Variants in LRRC3B observed in about 807,000 individuals in gnomAD.
The protein encoded by LRRC3B is leucine-rich repeat-containing protein 3B.
LRRC3B carries 2 observed loss-of-function variants against 12.8 expected under a neutral mutation model. The observed-to-expected ratio is 0.16, with a 90% CI of 0.06 to 0.49. The LOEUF is 0.49. Among genes scored for constraint, LRRC3B ranks in the 20% least tolerant of loss-of-function variants. LRRC3B has a pLI of 0.96. For missense variants in LRRC3B, 189 were observed against 319.4 expected (o/e 0.59, Z 3.11); for synonymous variants, 132 against 122.0 (o/e 1.08, Z -0.54).
At chr3:26,643,884 T>C (rs974374420) in intron 1 of LRRC3B, among the ~76,000 whole-genome samples, 2 of 152,158 alleles carry the variant, frequency 1.3e-5, no homozygotes, top group African/African-American at 2.4e-5. Flanking sequence ...TCTTAGTTCT[T>C]GAGAAGCCTT....
intron 1 of LRRC3B, among the ~76,000 whole-genome samples, chr3:26,679,983 ACTTG>A (rs1699937371): frequency 6.6e-6 from 1 of 152,206 alleles, no homozygotes; most frequent in African/African-American, 2.4e-5. Context: ...TACAGAGCTC[ACTTG>A]CTTTTCTTCT....
At chr3:26,697,609 T>A (rs555382843) in intron 1 of LRRC3B, among the ~76,000 whole-genome samples, 1 of 152,300 alleles carries the variant, frequency 6.6e-6, no homozygotes, top group South Asian at 2.1e-4. Context: ...TAATCTATCC[T>A]CTGATTCCGA....
intron 1 of LRRC3B, among the ~76,000 whole-genome samples, chr3:26,642,882 T>C (rs748736737): frequency 6.6e-6 from 1 of 151,942 alleles, no homozygotes; most frequent in Non-Finnish European, 1.5e-5. Flanking sequence ...CTGGGTGTGG[T>C]GGTGTGTTCC....
intron 1 of LRRC3B, among the ~76,000 whole-genome samples, chr3:26,683,380 T>C (rs1559365737): frequency 1.3e-5 from 2 of 152,280 alleles, no homozygotes; most frequent in East Asian, 3.9e-4. Flanking sequence ...CAAAGCCAGA[T>C]TTCAGCAGTT....
At chr3:26,666,110 A>C (rs1242739471) in intron 1 of LRRC3B, among the ~76,000 whole-genome samples, 2 of 152,266 alleles carry the variant, frequency 1.3e-5, no homozygotes, top group East Asian at 3.9e-4. Context: ...AAGAGGATTT[A>C]TGTCCATAAG....
intron 1 of LRRC3B, chr3:26,624,605 A>AG (rs897440429): frequency 3.3e-5 from 5 of 152,616 alleles, no homozygotes; most frequent in Admixed American, 2.6e-4. Flanking sequence ...GGAGCGAGGG[A>AG]GTGGGGGGAG....
At chr3:26,624,875 G>A (rs1233533643) in intron 1 of LRRC3B, 1 of 152,184 alleles carries the variant, frequency 6.6e-6, no homozygotes, top group Non-Finnish European at 1.5e-5. Flanking sequence ...TTGCGGGAGG[G>A]GGCTTAGTCG....
chr3:26,676,850 C>T (rs1395839406), intron 1 of LRRC3B, among the ~76,000 whole-genome samples: 1 of 152,180 alleles, frequency 6.6e-6, no homozygotes, highest in Non-Finnish European at 1.5e-5. Context: ...AATGTCATTT[C>T]ATTTTTAAAT....
chr3:26,672,347 C>T (rs142670218), intron 1 of LRRC3B, among the ~76,000 whole-genome samples: 9 of 152,276 alleles, frequency 5.9e-5, no homozygotes, highest in East Asian at 3.9e-4. Context: ...TTTTATTCCT[C>T]AGTTGGTAGC....
At chr3:26,696,424 G>T (rs1700319095) in intron 1 of LRRC3B, among the ~76,000 whole-genome samples, 1 of 152,168 alleles carries the variant, frequency 6.6e-6, no homozygotes, top group Non-Finnish European at 1.5e-5. Context: ...TATGATCTGT[G>T]CATGGAGGTT....
At chr3:26,652,403 C>T (rs1387555620) in intron 1 of LRRC3B, among the ~76,000 whole-genome samples, 1 of 152,212 alleles carries the variant, frequency 6.6e-6, no homozygotes, top group African/African-American at 2.4e-5. Flanking sequence ...TTAGATGTCA[C>T]TGCACAGCTG....
chr3:26,655,418 T>A lies in LRRC3B; in HGVS notation c.-161+32181T>A, dbSNP rs752013876. ...TCTATATCTTGAGTTACTTGCAGTTTGTTTATGTAGACTATTAGTAAAAGC... is the reference window on the plus strand; with the variant it reads ...TCTATATCTTGAGTTACTTGCAGTTAGTTTATGTAGACTATTAGTAAAAGC... On this transcript the variant is annotated intron_variant, in intron 1 of 1. Transcript: ENST00000396641. Among the ~76,000 whole-genome samples, 9 of 152,330 alleles carry A rather than the reference T, an allele frequency of 5.9e-5. No individual in the cohort carries two copies. The South Asian group carries it at 1.9e-3, about 32-fold the overall frequency.
intron 1 of LRRC3B, among the ~76,000 whole-genome samples, chr3:26,682,590 G>A (rs991543): frequency 0.011 from 1,709 of 152,238 alleles, 11 homozygotes; most frequent in Non-Finnish European, 0.019. Context: ...CATTGAGATG[G>A]GAAAGTATGT....
chr3:26,664,458 G>C (rs149908379), intron 1 of LRRC3B, among the ~76,000 whole-genome samples: 1 of 152,216 alleles, frequency 6.6e-6, no homozygotes, highest in African/African-American at 2.4e-5. Context: ...GCCATGTGTG[G>C]AGTCTAGGAT....
intron 1 of LRRC3B, among the ~76,000 whole-genome samples, chr3:26,636,245 G>A (rs1228995813): frequency 6.6e-6 from 1 of 150,756 alleles, no homozygotes; most frequent in African/African-American, 2.4e-5. Context: ...TTAAAAAAAA[G>A]AGAGAGAATT....
chr3:26,653,623 A>G (rs1438298360), intron 1 of LRRC3B, among the ~76,000 whole-genome samples: 1 of 152,172 alleles, frequency 6.6e-6, no homozygotes, highest in African/African-American at 2.4e-5. Flanking sequence ...AAACAGTAAG[A>G]TAACCTGAAG....
Position 26,670,721 on chromosome 3 carries a change from C to T in LRRC3B, c.-160-38792C>T, listed in dbSNP as rs183295252. ...TGACCTTGAACAAGTTCCTTAACCT[C>T]TGTGTGTCTCAATTTCCCCAAGTAT... On this transcript the variant is annotated intron_variant, in intron 1 of 1. Transcript: ENST00000396641. 8.5e-5 allele frequency among the ~76,000 whole-genome samples: 13 copies of T among 152,274 alleles called. No individual in the cohort carries two copies. The East Asian group carries it at 1.5e-3, about 18-fold the overall frequency.
chr3:26,676,781 A>G (rs1300454709), intron 1 of LRRC3B, among the ~76,000 whole-genome samples: 1 of 152,226 alleles, frequency 6.6e-6, no homozygotes, highest in Non-Finnish European at 1.5e-5. Context: ...ATAAAGACAC[A>G]TGCACACGTA....
At chr3:26,665,813 A>G (rs1699586686) in intron 1 of LRRC3B, among the ~76,000 whole-genome samples, 1 of 152,188 alleles carries the variant, frequency 6.6e-6, no homozygotes, top group African/African-American at 2.4e-5. Flanking sequence ...GTAAGAGTTC[A>G]TGGAAGTCCC....
Sources: gnomAD v4.1 joint callset for allele counts (sites outside exome capture counted in the v4.1 genomes callset) on GRCh38, gnomAD v4.1.1 for gene constraint, MANE v1.5 for transcripts, NCBI Gene and HGNC (gene_info 2026-07-23, HGNC 2026-07-21) for gene names.